GRM5: variants seen among roughly 807,000 people sequenced by gnomAD.
GRM5 encodes metabotropic glutamate receptor 5.
Under a neutral mutation model 83.1 loss-of-function variants are expected in GRM5, and 19 were observed. The observed-to-expected ratio is 0.23, with a 90% CI of 0.16 to 0.34. GRM5 has a LOEUF of 0.34. Among genes scored for constraint, GRM5 ranks in the 10% least tolerant of loss-of-function variants. The pLI is 1.00. For missense variants in GRM5, 1,160 were observed against 1,588.3 expected (o/e 0.73, Z 4.58); for synonymous variants, 675 against 633.6 (o/e 1.07, Z -0.98).
At chr11:88,913,167 A>T (rs1484836540) in intron 2 of GRM5, among the ~76,000 whole-genome samples, 1 of 152,138 alleles carries the variant, frequency 6.6e-6, no homozygotes, top group African/African-American at 2.4e-5. Flanking sequence ...TTGTTTGTCA[A>T]TGACCATGTT....
chr11:88,707,900 C>T (rs1180985923), intron 3 of GRM5, among the ~76,000 whole-genome samples: 1 of 151,956 alleles, frequency 6.6e-6, no homozygotes. Flanking sequence ...ATCAGGTAGC[C>T]TACAAACTTA....
chr11:88,804,646 C>A (rs1289326654), intron 3 of GRM5, among the ~76,000 whole-genome samples: 1 of 151,846 alleles, frequency 6.6e-6, no homozygotes, highest in African/African-American at 2.4e-5. Context: ...TGTAACTAGC[C>A]TGCACATTGT....
At chr11:88,570,568 TA>T (rs1942970296) in intron 7 of GRM5, among the ~76,000 whole-genome samples, 18 of 81,806 alleles carry the variant, frequency 2.2e-4, no homozygotes, top group South Asian at 4.1e-4. Context: ...TATATATATA[TA>T]TATTTTTTTT....
intron 4 of GRM5, among the ~76,000 whole-genome samples, chr11:88,631,108 C>A (rs1938957733): frequency 6.6e-6 from 1 of 152,114 alleles, no homozygotes; most frequent in African/African-American, 2.4e-5. Flanking sequence ...GTGGCAAAAA[C>A]CTTCCCACAT....
intron 2 of GRM5, among the ~76,000 whole-genome samples, chr11:88,927,303 G>C (rs1813178203): frequency 6.6e-6 from 1 of 152,052 alleles, no homozygotes; most frequent in African/African-American, 2.4e-5. Flanking sequence ...ATGTCTGGCA[G>C]AAAGAATATA....
At chr11:88,804,606 C>T (rs1013043409) in intron 3 of GRM5, among the ~76,000 whole-genome samples, 1 of 151,854 alleles carries the variant, frequency 6.6e-6, no homozygotes, top group Admixed American at 6.6e-5. Flanking sequence ...TTAATGGGTG[C>T]AGCACACCAG....
intron 2 of GRM5, among the ~76,000 whole-genome samples, chr11:88,863,058 T>A (rs1944594571): frequency 6.6e-6 from 1 of 151,870 alleles, no homozygotes; most frequent in Non-Finnish European, 1.5e-5. Flanking sequence ...AAAACCACAA[T>A]GAGACACCAA....
intron 3 of GRM5, among the ~76,000 whole-genome samples, chr11:88,741,097 C>G (rs1942018746): frequency 6.6e-6 from 1 of 152,100 alleles, no homozygotes; most frequent in African/African-American, 2.4e-5. Flanking sequence ...AGTTGGGAAA[C>G]TAGGCGGCAA....
At chr11:88,568,875 C>T (rs1417172599) in intron 7 of GRM5, among the ~76,000 whole-genome samples, 1 of 152,070 alleles carries the variant, frequency 6.6e-6, no homozygotes, top group Non-Finnish European at 1.5e-5. Flanking sequence ...AAACTGACCC[C>T]AAAGGCAAAC....
At chr11:88,558,673 G>A (rs569366145) in intron 8 of GRM5, among the ~76,000 whole-genome samples, 13 of 151,460 alleles carry the variant, frequency 8.6e-5, no homozygotes, top group East Asian at 3.9e-4. Context: ...GTGGTGGTGC[G>A]CGCTTATAGT....
intron 4 of GRM5, among the ~76,000 whole-genome samples, chr11:88,618,230 T>C (rs1203673058): frequency 9.2e-5 from 14 of 152,170 alleles, no homozygotes; most frequent in Admixed American, 9.2e-4. Flanking sequence ...GTATTCTCCA[T>C]TAGATTTAAA....
chr11:88,848,563 G>A (rs914523016), intron 3 of GRM5, among the ~76,000 whole-genome samples: 9 of 152,128 alleles, frequency 5.9e-5, no homozygotes, highest in South Asian at 2.1e-4. Context: ...CACTGGCTAC[G>A]TGTTAATAAA....
chr11:88,794,139 C>A (rs905187439), intron 3 of GRM5, among the ~76,000 whole-genome samples: 5 of 152,110 alleles, frequency 3.3e-5, no homozygotes, highest in African/African-American at 9.7e-5. Flanking sequence ...GGTTTGGAAT[C>A]CTTAATATAC....
At chr11:89,034,721 G>A (rs1300594423) in intron 2 of GRM5, among the ~76,000 whole-genome samples, 2 of 151,586 alleles carry the variant, frequency 1.3e-5, no homozygotes, top group East Asian at 3.9e-4. Context: ...GCATTGAAAT[G>A]CAAATATCTG....
intron 3 of GRM5, among the ~76,000 whole-genome samples, chr11:88,687,579 A>ATATATTATATATATATTATAT (rs1250226972): frequency 5.6e-4 from 26 of 46,790 alleles, no homozygotes; most frequent in African/African-American, 2.2e-3. Context: ...ATATATATAT[A>ATATATTATATATATATTATAT]ATATATATAT....
At position 88,957,383 on chromosome 11, in the gene GRM5, A is replaced by G. The variant is rs1354927615; in HGVS notation, c.661+89829T>C. On this transcript the variant is annotated intron_variant, in intron 2 of 9. Transcript: ENST00000305447. ...ATGTATTTCCATTTTACCAAAAGCA[A>G]TGTGGGATGAAATACACTTTAGAGT... Among the ~76,000 whole-genome samples, 25 of 152,346 alleles carry G rather than the reference A, an allele frequency of 1.6e-4. 1 individual carries two copies. Among genetic ancestry groups the G allele is most frequent in the African/African-American group, 4.1e-4 (17 of 41,588 alleles).
intron 4 of GRM5, among the ~76,000 whole-genome samples, chr11:88,620,265 C>T (rs1938597719): frequency 6.6e-6 from 1 of 152,206 alleles, no homozygotes; most frequent in Admixed American, 6.5e-5. Flanking sequence ...AACACCATGG[C>T]TTAGACTAGG....
chr11:88,961,400 A>C (rs1204216607), intron 2 of GRM5, among the ~76,000 whole-genome samples: 9 of 151,912 alleles, frequency 5.9e-5, no homozygotes, highest in Admixed American at 5.9e-4. Context: ...ACACTGGCGA[A>C]CCCAAAGAGA....
At chr11:89,004,632 T>A (rs753953781) in intron 2 of GRM5, among the ~76,000 whole-genome samples, 3 of 152,194 alleles carry the variant, frequency 2.0e-5, no homozygotes, top group Non-Finnish European at 4.4e-5. Context: ...CAAGGTAAGA[T>A]CTAAATAGTT....
Sources: gnomAD v4.1 joint callset for allele counts (sites outside exome capture counted in the v4.1 genomes callset) on GRCh38, gnomAD v4.1.1 for gene constraint, MANE v1.5 for transcripts, NCBI Gene and HGNC (gene_info 2026-07-23, HGNC 2026-07-21) for gene names.